ADAM12: variants seen among roughly 807,000 people sequenced by gnomAD.
ADAM12 encodes the protein ADAM metallopeptidase domain 12.
A neutral mutation model predicts 106.4 loss-of-function variants in ADAM12; 70 were observed. The observed-to-expected ratio is 0.66, with a 90% CI of 0.54 to 0.80. The LOEUF (loss-of-function observed/expected upper bound fraction) is 0.80. Ranked by LOEUF, ADAM12 falls within the 30% of genes least tolerant of loss-of-function variation. The pLI, the probability that ADAM12 is intolerant of heterozygous loss-of-function variation, is 0.00. For missense variants in ADAM12, 1,010 were observed against 1,171.9 expected, an observed-to-expected ratio of 0.86 and a Z score of 2.02; for synonymous variants, 420 against 433.5, an observed-to-expected ratio of 0.97 and a Z score of 0.39.
At chr10:126,223,749 G>A (rs762422856) in intron 3 of ADAM12, among the ~76,000 whole-genome samples, 4 of 152,142 alleles carry the variant, frequency 2.6e-5, no homozygotes, top group Non-Finnish European at 5.9e-5. Flanking sequence ...AATTCTCCAC[G>A]GTCTTTGGTC....
At chr10:126,381,971 T>A (rs993400988) in intron 1 of ADAM12, among the ~76,000 whole-genome samples, 1 of 84,740 alleles carries the variant, frequency 1.2e-5, no homozygotes, top group African/African-American at 4.0e-5. Flanking sequence ...CAAGACCCTG[T>A]CTCAAAAAAA....
chr10:126,199,557 T>C (rs747859410), intron 3 of ADAM12, among the ~76,000 whole-genome samples: 2 of 152,166 alleles, frequency 1.3e-5, no homozygotes, highest in Non-Finnish European at 2.9e-5. Context: ...GCCCCATGCA[T>C]CATGTGACCC....
At chr10:126,187,589 G>A (rs1487929787) in intron 3 of ADAM12, among the ~76,000 whole-genome samples, 4 of 152,148 alleles carry the variant, frequency 2.6e-5, no homozygotes, top group Non-Finnish European at 4.4e-5. Flanking sequence ...CACCCCTGGG[G>A]CTACATTGCT....
chr10:126,219,858 T>C (rs555807792), intron 3 of ADAM12, among the ~76,000 whole-genome samples: 36 of 152,292 alleles, frequency 2.4e-4, no homozygotes, highest in African/African-American at 8.2e-4. Flanking sequence ...GTAGGCAAAA[T>C]AGGAAATGGG....
intron 2 of ADAM12, among the ~76,000 whole-genome samples, chr10:126,289,315 C>T (rs561280068): frequency 6.6e-6 from 1 of 152,344 alleles, no homozygotes; most frequent in African/African-American, 2.4e-5. Flanking sequence ...TGCTGAGGAC[C>T]ATCAGATGCC....
At chr10:126,073,619 T>G (rs2133504793) in intron 11 of ADAM12, among the ~76,000 whole-genome samples, 1 of 152,356 alleles carries the variant, frequency 6.6e-6, no homozygotes, top group African/African-American at 2.4e-5. Flanking sequence ...AATGAGAACA[T>G]GCAGTATTTG....
intron 3 of ADAM12, among the ~76,000 whole-genome samples, chr10:126,251,710 T>TGGGATGGATGGCTA (rs1958766439): frequency 2.1e-5 from 3 of 144,834 alleles, no homozygotes; most frequent in South Asian, 2.2e-4. Context: ...ATGGATAGGA[T>TGGGATGGATGGCTA]GGATGGATAG....
chr10:126,369,819 C>T (rs1335090841), intron 1 of ADAM12, among the ~76,000 whole-genome samples: 1 of 152,138 alleles, frequency 6.6e-6, no homozygotes, highest in Non-Finnish European at 1.5e-5. Context: ...GGTATTCACT[C>T]TCATATGTAA....
At chr10:126,229,687 G>A (rs775636561) in intron 3 of ADAM12, among the ~76,000 whole-genome samples, 5 of 128,598 alleles carry the variant, frequency 3.9e-5, no homozygotes, top group South Asian at 2.4e-4. Flanking sequence ...TATCTCTCCC[G>A]CCTCCTTCCC....
chr10:126,266,581 C>T (rs1959101835), intron 3 of ADAM12, among the ~76,000 whole-genome samples: 1 of 152,154 alleles, frequency 6.6e-6, no homozygotes, highest in African/African-American at 2.4e-5. Flanking sequence ...TACCATATCC[C>T]TTATGTATTA....
intron 11 of ADAM12, among the ~76,000 whole-genome samples, chr10:126,090,102 T>G (rs1183793419): frequency 1.3e-5 from 2 of 152,026 alleles, no homozygotes; most frequent in Non-Finnish European, 2.9e-5. Context: ...AACTGCAAGT[T>G]TTAAATTTTC....
chr10:126,335,575 T>C (rs533386072), intron 1 of ADAM12, among the ~76,000 whole-genome samples: 17 of 152,206 alleles, frequency 1.1e-4, no homozygotes, highest in Non-Finnish European at 2.4e-4. Flanking sequence ...ATAGCAAGAT[T>C]TCCTTTCAGA....
Position 126,175,665 on chromosome 10 carries a change from G to A in ADAM12, c.261-20360C>T, listed in dbSNP as rs1483206891. Among the ~76,000 whole-genome samples the A allele has an allele frequency of 2.0e-5, 3 of 152,246 alleles. No homozygotes were observed. In the East Asian group the frequency reaches 5.8e-4, roughly 29 times the overall value. The stretch of plus-strand genomic sequence containing the variant: ...TTCATTCGAGTGGCGAGAGAGGGAC[G>A]TGATGTGATGTGGGTGCCACGTAAG... On this transcript the variant is annotated intron_variant, in intron 3 of 22. Transcript: ENST00000448723.
intron 3 of ADAM12, among the ~76,000 whole-genome samples, chr10:126,180,681 T>A (rs1957297045): frequency 1.3e-5 from 2 of 152,208 alleles, no homozygotes; most frequent in African/African-American, 4.8e-5. Context: ...TTATGAAGTT[T>A]TAATTTGCTT....
intron 3 of ADAM12, chr10:126,273,340 G>A (rs1315242119): frequency 2.0e-5 from 3 of 152,896 alleles, no homozygotes; most frequent in Admixed American, 6.5e-5. Flanking sequence ...CTTTTCCAAG[G>A]AATCGTTCAC....
At chr10:126,188,440 G>T (rs902359060) in intron 3 of ADAM12, among the ~76,000 whole-genome samples, 3 of 152,102 alleles carry the variant, frequency 2.0e-5, no homozygotes, top group Non-Finnish European at 4.4e-5. Context: ...CACTGAGTGG[G>T]GCACCTGCAG....
chr10:126,215,995 G>A (rs1380133893), intron 3 of ADAM12, among the ~76,000 whole-genome samples: 2 of 152,164 alleles, frequency 1.3e-5, no homozygotes, highest in Non-Finnish European at 2.9e-5. Flanking sequence ...ACCCCAGGGA[G>A]GCAGCAATAT....
intron 3 of ADAM12, among the ~76,000 whole-genome samples, chr10:126,251,598 T>G (rs1590684037): frequency 6.9e-6 from 1 of 144,784 alleles, no homozygotes; most frequent in African/African-American, 2.6e-5. Flanking sequence ...ACAGGATGGA[T>G]AGGATGGATG....
At chr10:126,290,850 G>A (rs182402122) in intron 2 of ADAM12, among the ~76,000 whole-genome samples, 4 of 152,286 alleles carry the variant, frequency 2.6e-5, no homozygotes, top group African/African-American at 7.2e-5. Context: ...CTATGTGTAC[G>A]ACCAATCATA....
Sources: gnomAD v4.1 joint callset for allele counts (sites outside exome capture counted in the v4.1 genomes callset) on GRCh38, gnomAD v4.1.1 for gene constraint, MANE v1.5 for transcripts, NCBI Gene and HGNC (gene_info 2026-07-23, HGNC 2026-07-21) for gene names.